The following KNTC1 variants were observed in gnomAD, a reference collection of about 807,000 sequenced individuals.
KNTC1 encodes kinetochore-associated protein 1.
Under a neutral mutation model 314.4 loss-of-function variants are expected in KNTC1, and 253 were observed. That is an observed-to-expected ratio of 0.80 (90% CI 0.73 to 0.89). The LOEUF (loss-of-function observed/expected upper bound fraction) is 0.89, where lower values mean the gene tolerates loss of function less well. Among genes scored for constraint, KNTC1 ranks in the 40% least tolerant of loss-of-function variants. The pLI is 0.00. For synonymous variants in KNTC1, 901 were observed against 901.4 expected, an observed-to-expected ratio of 1.00 and a Z score of 0.01; for missense variants, 2,475 against 2,572.9, an observed-to-expected ratio of 0.96 and a Z score of 0.82.
At chr12:122,582,675 G>GGGAC in intron 33 of KNTC1, 30 bp from the exon 34 acceptor site, 1 of 1,541,100 alleles carries the variant, frequency 6.5e-7, no homozygotes, top group Non-Finnish European at 8.8e-7. Context: ...AAACAGACTT[G>GGGAC]GGACTTTGTC....
At chr12:122,561,514 T>A (rs1204668143) in intron 18 of KNTC1, among the ~76,000 whole-genome samples, 3 of 151,884 alleles carry the variant, frequency 2.0e-5, no homozygotes, top group African/African-American at 7.3e-5. Flanking sequence ...AGTGCAGTGG[T>A]GGGATCTCGG....
At chr12:122,545,554 A>C (rs1433443402) in intron 8 of KNTC1, among the ~76,000 whole-genome samples, 1 of 152,212 alleles carries the variant, frequency 6.6e-6, no homozygotes, top group African/African-American at 2.4e-5. Flanking sequence ...GTGGTATTTT[A>C]ATGAAAATAC....
chr12:122,545,951 A>T (rs533193808), intron 8 of KNTC1, among the ~76,000 whole-genome samples: 9 of 10,250 alleles, frequency 8.8e-4, no homozygotes, highest in African/African-American at 6.5e-3. Flanking sequence ...GTCTCAAATT[A>T]AAAAAAAAAA....
intron 57 of KNTC1, among the ~76,000 whole-genome samples, chr12:122,616,376 C>A (rs536602992): frequency 1.3e-5 from 2 of 152,084 alleles, no homozygotes; most frequent in Admixed American, 1.3e-4. Flanking sequence ...TATTCTCCTG[C>A]CTCAGCCTCC....
At chr12:122,611,334 G>A (rs1873092429) in intron 53 of KNTC1, 1 of 155,204 alleles carries the variant, frequency 6.4e-6, no homozygotes, top group Non-Finnish European at 1.4e-5. Context: ...ATGACCTTTA[G>A]CTTCAGGTTC....
At chr12:122,542,720 C>T (rs971658115) in intron 6 of KNTC1, among the ~76,000 whole-genome samples, 5 of 151,862 alleles carry the variant, frequency 3.3e-5, no homozygotes, top group Admixed American at 6.6e-5. Context: ...GCTGAGATCA[C>T]GCTGTTGCAC....
At chr12:122,599,106 A>T (rs985124793) in intron 44 of KNTC1, among the ~76,000 whole-genome samples, 3 of 151,676 alleles carry the variant, frequency 2.0e-5, no homozygotes, top group African/African-American at 7.3e-5. Flanking sequence ...ATCTTCATAC[A>T]TATTTTTATA....
At chr12:122,570,733 C>G in intron 22 of KNTC1, 143 bp from the exon 23 acceptor site, 1 of 615,674 alleles carries the variant, frequency 1.6e-6, no homozygotes, top group South Asian at 2.1e-5. Flanking sequence ...ACTACGTGCC[C>G]ACACACAAGC....
At chr12:122,565,453 C>T (rs906559192) in intron 20 of KNTC1, among the ~76,000 whole-genome samples, 1 of 151,004 alleles carries the variant, frequency 6.6e-6, no homozygotes, top group Non-Finnish European at 1.5e-5. Flanking sequence ...CTTTAAAGTT[C>T]TTTGTGGGTA....
chr12:122,536,104 C>T (rs1430842032), intron 3 of KNTC1, among the ~76,000 whole-genome samples: 1 of 149,898 alleles, frequency 6.7e-6, no homozygotes, highest in Non-Finnish European at 1.5e-5. Flanking sequence ...AGCATTTCAC[C>T]ATGTTAGCCA....
In KNTC1 at chr12:122,571,026, C is replaced by T. The variant is rs1964647058; in HGVS notation, c.1919C>T (p.Ala640Val). The change falls in exon 24 of 64, where the codon GCA (alanine) becomes GTA (valine). Residue 640 changes from alanine (A) to valine (V), a missense_variant and splice_region_variant. Transcript: ENST00000333479. ...AACTGTCTGTAATCTTTTTTAAAGG[C>T]AAATTGGCCAGAAAATGGACTTCAA... ...AARNLELTDK[A>V]NWPENGLQLA... The T allele has an allele frequency of 1.9e-6, 3 of 1,612,472 alleles. No homozygotes were observed. The highest frequency in any genetic ancestry group is 2.5e-6 in the Non-Finnish European group (3 of 1,178,828).
At chr12:122,610,297 G>C (rs534284738) in intron 52 of KNTC1, among the ~76,000 whole-genome samples, 52 of 152,290 alleles carry the variant, frequency 3.4e-4, no homozygotes, top group African/African-American at 1.2e-3. Flanking sequence ...TTAAAGAGGA[G>C]AGAAAAAGGA....
intron 8 of KNTC1, among the ~76,000 whole-genome samples, chr12:122,545,938 C>G (rs1316004373): frequency 1.5e-5 from 2 of 134,946 alleles, no homozygotes; most frequent in Non-Finnish European, 3.1e-5. Flanking sequence ...GGAGTGAGAC[C>G]CTGTCTCAAA....
chr12:122,528,528 T>C (rs1018916907), intron 1 of KNTC1, among the ~76,000 whole-genome samples: 3 of 152,038 alleles, frequency 2.0e-5, no homozygotes, highest in Non-Finnish European at 4.4e-5. Flanking sequence ...CAGGGCAAAA[T>C]AGTGAGACCC....
In KNTC1 at chr12:122,547,922, A is replaced by G. The variant is rs1244614892; in HGVS notation, c.940A>G (p.Ile314Val). The change falls in exon 12 of 64, where the codon ATT becomes GTT. Residue 314 changes from isoleucine (I) to valine (V), a missense_variant. Transcript: ENST00000333479. Reference protein sequence around the residue: ...DSPSSVTWQGITNLKLIALTA... With the variant: ...DSPSSVTWQGVTNLKLIALTA... ...GGTTCTTTTCTCTTTTAGGCAAGGAATTACAAATCTCAAATTAATAGCTCT... is the reference window on the plus strand; with the variant it reads ...GGTTCTTTTCTCTTTTAGGCAAGGAGTTACAAATCTCAAATTAATAGCTCT... The G allele has an allele frequency of 2.0e-6, 3 of 1,537,748 alleles. No homozygotes were observed. In the African/African-American group the frequency reaches 4.2e-5, roughly 21 times the overall value.
chr12:122,589,189 T>C (rs1435183973), intron 40 of KNTC1, among the ~76,000 whole-genome samples: 1 of 152,040 alleles, frequency 6.6e-6, no homozygotes, highest in Non-Finnish European at 1.5e-5. Context: ...GCCTCCCAAG[T>C]CACTGAGATT....
rs1379704345 is a variant in KNTC1, at chr12:122,586,774, A to G, written c.3730+17A>G. The stretch of plus-strand genomic sequence containing the variant: ...TTAATGAAGGTATTTGGCACAAGAA[A>G]TATATAGCATTCTATTAATATTTAT... On this transcript the variant is annotated intron_variant, in intron 38 of 63. Transcript: ENST00000333479. 3.7e-6 allele frequency: 4 copies of G among 1,083,232 alleles called. No homozygotes were observed. Among genetic ancestry groups the G allele is most frequent in the Non-Finnish European group, 3.8e-6 (3 of 786,060 alleles). The allele number at this position is 1,083,232 out of a possible 1,614,324, so 67.1% of individuals were successfully genotyped here. A position where few individuals can be genotyped will look rare whatever the true frequency, so the allele number is the denominator to read the frequency against.
intron 30 of KNTC1, among the ~76,000 whole-genome samples, chr12:122,577,281 T>C (rs1965093342): frequency 6.6e-6 from 1 of 152,204 alleles, no homozygotes; most frequent in Non-Finnish European, 1.5e-5. Context: ...TATTTTTATA[T>C]GATTCTATAA....
At chr12:122,615,375 C>T (rs2138170373) in intron 56 of KNTC1, 95 bp from the exon 57 acceptor site, 4 of 1,052,754 alleles carry the variant, frequency 3.8e-6, no homozygotes, top group Non-Finnish European at 5.5e-6. Context: ...AACGTTTTAC[C>T]AGTACTTCTT....
Sources: allele counts gnomAD v4.1 joint callset (sites outside exome capture counted in the v4.1 genomes callset), GRCh38; gene constraint gnomAD v4.1.1; transcripts MANE v1.5; gene names NCBI Gene and HGNC (gene_info 2026-07-23, HGNC 2026-07-21).